Variants in CCBE1 observed in about 807,000 individuals in gnomAD.
CCBE1 encodes the protein collagen and calcium-binding EGF domain-containing protein 1.
In CCBE1, 37 loss-of-function variants were observed where a neutral mutation model predicts 50.0. The ratio of observed to expected loss-of-function variants is 0.74; its 90% CI spans 0.57 to 0.97. The LOEUF (loss-of-function observed/expected upper bound fraction) is 0.97. Among genes scored for constraint, CCBE1 ranks in the 50% least tolerant of loss-of-function variants. CCBE1 has a pLI of 0.00. For missense variants in CCBE1, 538 were observed against 523.8 expected (o/e 1.03, Z -0.26); for synonymous variants, 234 against 203.7 (o/e 1.15, Z -1.27).
chr18:59,516,169 G>T (rs1914360781), intron 2 of CCBE1, among the ~76,000 whole-genome samples: 1 of 151,628 alleles, frequency 6.6e-6, no homozygotes, highest in Admixed American at 6.6e-5. Context: ...ATGTTGGCCA[G>T]TCTGGTCTCA....
intron 2 of CCBE1, among the ~76,000 whole-genome samples, chr18:59,488,030 C>T (rs530869105): frequency 1.2e-4 from 18 of 152,190 alleles, no homozygotes; most frequent in Non-Finnish European, 2.2e-4. Context: ...AATTCTGATG[C>T]ATGCTACAAC....
intron 2 of CCBE1, among the ~76,000 whole-genome samples, chr18:59,632,251 G>A (rs1184617398): frequency 6.6e-6 from 1 of 152,136 alleles, no homozygotes; most frequent in African/African-American, 2.4e-5. Context: ...GCAAGGAAGG[G>A]CTCATTTATA....
intron 2 of CCBE1, among the ~76,000 whole-genome samples, chr18:59,687,439 C>G (rs1486332641): frequency 6.6e-6 from 1 of 152,166 alleles, no homozygotes; most frequent in Non-Finnish European, 1.5e-5. Context: ...CACATCATTC[C>G]TTTACCTTCC....
chr18:59,506,971 C>T (rs1913905028), intron 2 of CCBE1, among the ~76,000 whole-genome samples: 1 of 152,160 alleles, frequency 6.6e-6, no homozygotes, highest in African/African-American at 2.4e-5. Flanking sequence ...TCTCTTTCAG[C>T]CCCTCTACTC....
chr18:59,534,366 A>T (rs947529422), intron 2 of CCBE1, among the ~76,000 whole-genome samples: 2 of 152,240 alleles, frequency 1.3e-5, no homozygotes, highest in African/African-American at 4.8e-5. Flanking sequence ...TTTAAAACAC[A>T]TGCTGACTTT....
In CCBE1 at chr18:59,577,432, CT is replaced by C. The variant is rs1436106421; in HGVS notation, c.213-97195del. Among the ~76,000 whole-genome samples, 4 of 152,284 alleles carry C rather than the reference CT, an allele frequency of 2.6e-5. No individual in the cohort carries two copies. The East Asian group carries it at 5.8e-4, about 22-fold the overall frequency. ...CACAAGGGACTAGCTTAAGCTGCCC[CT>C]GATTGATGGCACTTCTGCTATTCCC... On this transcript the variant is annotated intron_variant, in intron 2 of 10. Transcript: ENST00000439986.
intron 2 of CCBE1, among the ~76,000 whole-genome samples, chr18:59,640,183 AT>A (rs1244495235): frequency 1.3e-5 from 2 of 152,228 alleles, no homozygotes; most frequent in African/African-American, 4.8e-5. Context: ...AGCCAAGGCG[AT>A]TCTAAACAAA....
chr18:59,548,115 C>T (rs543732824), intron 2 of CCBE1, among the ~76,000 whole-genome samples: 43 of 152,172 alleles, frequency 2.8e-4, no homozygotes, highest in Non-Finnish European at 4.7e-4. Flanking sequence ...GGAGAGAGAC[C>T]AAGAGTTTAT....
intron 2 of CCBE1, among the ~76,000 whole-genome samples, chr18:59,648,085 G>GA (rs1418972363): frequency 2.6e-5 from 4 of 152,226 alleles, no homozygotes; most frequent in African/African-American, 9.6e-5. Flanking sequence ...GAACACGATG[G>GA]AAAAAATTCC....
intron 4 of CCBE1, among the ~76,000 whole-genome samples, chr18:59,468,825 AG>A (rs1164189223): frequency 5.0e-5 from 7 of 140,156 alleles, no homozygotes; most frequent in Admixed American, 2.3e-4. Flanking sequence ...TTAGGTGTGG[AG>A]AAAAGGCCAG....
chr18:59,473,616 C>T (rs1789480), intron 3 of CCBE1, among the ~76,000 whole-genome samples: 33,867 of 151,534 alleles, frequency 0.22, 4,132 homozygotes, highest in Non-Finnish European at 0.27. Context: ...CTCTTGCTCT[C>T]GTGCTTGGAA....
rs143358079 is a variant in CCBE1 at position 59,553,813 on chromosome 18, C to T, written c.213-73575G>A. On this transcript the variant is annotated intron_variant, in intron 2 of 10. Coordinates refer to ENST00000439986, the MANE Select transcript of CCBE1 (RefSeq NM_133459.4). ...ACTGCAGCCTCTGCCACCACTATGG[C>T]GACCCGGAGGCCAGAGGAAGAGCAA... Among the ~76,000 whole-genome samples, 10 of 152,316 alleles carry T rather than the reference C, an allele frequency of 6.6e-5. No individual in the cohort carries two copies. In the East Asian group the frequency reaches 9.6e-4, roughly 15 times the overall value.
chr18:59,646,582 T>C (rs1385299603), intron 2 of CCBE1, among the ~76,000 whole-genome samples: 2 of 152,220 alleles, frequency 1.3e-5, no homozygotes, highest in Non-Finnish European at 2.9e-5. Context: ...CCACAACCCC[T>C]GCGAGATTAA....
chr18:59,539,197 AC>A (rs1915368394), intron 2 of CCBE1, among the ~76,000 whole-genome samples: 2 of 84,608 alleles, frequency 2.4e-5, no homozygotes, highest in Admixed American at 1.3e-4. Flanking sequence ...ACACACACAC[AC>A]ACAAAAAACA....
chr18:59,625,884 C>T (rs2053777327), intron 2 of CCBE1, among the ~76,000 whole-genome samples: 1 of 152,146 alleles, frequency 6.6e-6, no homozygotes, highest in African/African-American at 2.4e-5. Context: ...AGGACACCTA[C>T]CCAGCCTATG....
intron 2 of CCBE1, among the ~76,000 whole-genome samples, chr18:59,647,183 A>C (rs560203858): frequency 6.6e-6 from 1 of 152,216 alleles, no homozygotes; most frequent in African/African-American, 2.4e-5. Flanking sequence ...AAATACCCAC[A>C]TTAAGTAAAA....
chr18:59,452,685 G>A (rs987469849), intron 6 of CCBE1, among the ~76,000 whole-genome samples: 5 of 152,148 alleles, frequency 3.3e-5, no homozygotes, highest in Admixed American at 6.5e-5. Flanking sequence ...CTGCCCTCTC[G>A]GACGGTTATT....
chr18:59,661,628 T>C (rs539141051), intron 2 of CCBE1, among the ~76,000 whole-genome samples: 31 of 152,162 alleles, frequency 2.0e-4, no homozygotes, highest in Non-Finnish European at 4.4e-4. Flanking sequence ...CCAATCAATA[T>C]ATAACCTTGT....
chr18:59,666,557 G>A (rs1400421477), intron 2 of CCBE1, among the ~76,000 whole-genome samples: 1 of 152,264 alleles, frequency 6.6e-6, no homozygotes, highest in East Asian at 1.9e-4. Context: ...TCAACCATGT[G>A]GAGAGGGTTT....
Sources: gnomAD v4.1 joint callset for allele counts (sites outside exome capture counted in the v4.1 genomes callset) on GRCh38, gnomAD v4.1.1 for gene constraint, MANE v1.5 for transcripts, NCBI Gene and HGNC (gene_info 2026-07-23, HGNC 2026-07-21) for gene names.